CERS6: variants seen among roughly 807,000 people sequenced by gnomAD.
CERS6 encodes the protein ceramide synthase 6, also known as LAG1 homolog, ceramide synthase 6.
In CERS6, 26 loss-of-function variants were observed where a neutral mutation model predicts 56.8. The ratio of observed to expected loss-of-function variants is 0.46; its 90% CI spans 0.34 to 0.63. The LOEUF (loss-of-function observed/expected upper bound fraction) is 0.63. CERS6 is among the 30% of genes least tolerant of loss of function. CERS6 has a pLI of 0.01. For synonymous variants in CERS6, 164 were observed against 173.3 expected, an observed-to-expected ratio of 0.95 and a Z score of 0.42; for missense variants, 415 against 467.5, an observed-to-expected ratio of 0.89 and a Z score of 1.04.
intron 4 of CERS6, among the ~76,000 whole-genome samples, chr2:168,669,833 C>T (rs1246926807): frequency 6.6e-6 from 1 of 152,120 alleles, no homozygotes; most frequent in Admixed American, 6.5e-5. Context: ...TTAACATACA[C>T]GACTGTGTCA....
chr2:168,597,682 A>C (rs1474899394), intron 3 of CERS6, among the ~76,000 whole-genome samples: 1 of 152,202 alleles, frequency 6.6e-6, no homozygotes, highest in Non-Finnish European at 1.5e-5. Flanking sequence ...GAATATGTAA[A>C]GTTTTAGAGA....
chr2:168,769,607 GGA>G lies in CERS6; in HGVS notation c.1101_1102del (p.Thr368GlnfsTer16). On this transcript the variant is annotated frameshift_variant, in exon 10 of 10. Transcript: ENST00000305747. LOFTEE classifies it high-confidence loss of function. ...CCCCACACTGCGACAACCACCAATG[GGA>G]CCAGTGGTACCAACGGGTATCTCCT... 6.2e-7 allele frequency: 1 copy of G among 1,612,338 alleles called. No homozygotes were observed. Among genetic ancestry groups the G allele is most frequent in the Non-Finnish European group, 8.5e-7 (1 of 1,179,474 alleles).
At chr2:168,637,541 G>A (rs928106414) in intron 4 of CERS6, among the ~76,000 whole-genome samples, 9 of 152,082 alleles carry the variant, frequency 5.9e-5, no homozygotes, top group African/African-American at 2.2e-4. Flanking sequence ...GTGTGAAGTT[G>A]CTTATTACAA....
intron 8 of CERS6, among the ~76,000 whole-genome samples, chr2:168,739,433 T>C (rs1683825738): frequency 6.6e-6 from 1 of 152,042 alleles, no homozygotes; most frequent in African/African-American, 2.4e-5. Context: ...GTGGTAAAAA[T>C]TGAGTATATT....
intron 1 of CERS6, among the ~76,000 whole-genome samples, chr2:168,471,684 G>A (rs1693980983): frequency 6.6e-6 from 1 of 152,132 alleles, no homozygotes; most frequent in Admixed American, 6.5e-5. Flanking sequence ...CCACTTGCCA[G>A]CCAATAACTA....
intron 1 of CERS6, among the ~76,000 whole-genome samples, chr2:168,477,173 CAG>C (rs10609883): frequency 0.045 from 5,206 of 115,298 alleles, 160 homozygotes; most frequent in Admixed American, 0.11. Context: ...GAGGGAGAGA[CAG>C]AGAGAGAGAG....
chr2:168,496,474 C>G (rs1694471638), intron 1 of CERS6, among the ~76,000 whole-genome samples: 1 of 152,062 alleles, frequency 6.6e-6, no homozygotes, highest in Admixed American at 6.6e-5. Flanking sequence ...AGGAAGCCAT[C>G]AGGCTCCATG....
chr2:168,476,912 T>A (rs1694082167), intron 1 of CERS6, among the ~76,000 whole-genome samples: 1 of 152,166 alleles, frequency 6.6e-6, no homozygotes, highest in Admixed American at 6.5e-5. Context: ...AATAATGCTT[T>A]ACCAGTTCTC....
At chr2:168,513,715 A>G (rs555167286) in intron 1 of CERS6, among the ~76,000 whole-genome samples, 2 of 152,198 alleles carry the variant, frequency 1.3e-5, no homozygotes, top group South Asian at 2.1e-4. Flanking sequence ...TTTCCATACT[A>G]CAGTCTTTGG....
intron 8 of CERS6, 78 bp from the exon 9 acceptor site, chr2:168,765,514 C>A: frequency 6.8e-7 from 1 of 1,464,608 alleles, no homozygotes; most frequent in South Asian, 1.4e-5. Flanking sequence ...TGACCTTGTG[C>A]TTTAATGCAG....
At chr2:168,466,641 T>A (rs1693886060) in intron 1 of CERS6, among the ~76,000 whole-genome samples, 1 of 152,256 alleles carries the variant, frequency 6.6e-6, no homozygotes, top group African/African-American at 2.4e-5. Context: ...GTAATTCATC[T>A]GTAAGAATGT....
chr2:168,718,026 G>A (rs1309517338), intron 8 of CERS6, 48 bp downstream of exon 8: 3 of 1,352,730 alleles, frequency 2.2e-6, no homozygotes, highest in South Asian at 1.3e-5. Context: ...TTCCAAATAA[G>A]CTTTCTGAAC....
At chr2:168,498,648 A>AAAAGATGAAGC (rs1163290957) in intron 1 of CERS6, among the ~76,000 whole-genome samples, 3 of 152,200 alleles carry the variant, frequency 2.0e-5, no homozygotes, top group Non-Finnish European at 2.9e-5. Context: ...TCTTTATATC[A>AAAAGATGAAGC]AAAGATGAAG....
intron 8 of CERS6, among the ~76,000 whole-genome samples, chr2:168,754,044 G>T (rs1684353234): frequency 6.6e-6 from 1 of 152,164 alleles, no homozygotes; most frequent in African/African-American, 2.4e-5. Flanking sequence ...TCAGGACAGG[G>T]ACCCCTAGAG....
chr2:168,746,125 C>T (rs1684089878), intron 8 of CERS6, among the ~76,000 whole-genome samples: 2 of 152,174 alleles, frequency 1.3e-5, no homozygotes, highest in African/African-American at 4.8e-5. Context: ...TGCCCCTCAC[C>T]ACATGGGAGC....
chr2:168,576,497 C>T (rs144407633), intron 3 of CERS6, among the ~76,000 whole-genome samples: 288 of 152,290 alleles, frequency 1.9e-3, no homozygotes, highest in Middle Eastern at 0.017. Context: ...ATCTTCCCTT[C>T]AATTTCTTTT....
intron 1 of CERS6, among the ~76,000 whole-genome samples, chr2:168,514,316 C>G (rs893079674): frequency 6.6e-6 from 1 of 152,184 alleles, no homozygotes; most frequent in African/African-American, 2.4e-5. Context: ...TAGTGTGTCT[C>G]TGTTCCTTCT....
chr2:168,593,056 C>G (rs1299261183), intron 3 of CERS6, among the ~76,000 whole-genome samples: 2 of 152,128 alleles, frequency 1.3e-5, no homozygotes, highest in Non-Finnish European at 2.9e-5. Flanking sequence ...CTTGACCCTT[C>G]CTCCACTTTG....
chr2:168,707,948 T>C (rs577163408), intron 6 of CERS6, among the ~76,000 whole-genome samples: 1 of 152,300 alleles, frequency 6.6e-6, no homozygotes, highest in African/African-American at 2.4e-5. Flanking sequence ...TGTGAATTTC[T>C]GGTACTACAT....
Sources: allele counts gnomAD v4.1 joint callset (sites outside exome capture counted in the v4.1 genomes callset), GRCh38; gene constraint gnomAD v4.1.1; transcripts MANE v1.5; gene names NCBI Gene and HGNC (gene_info 2026-07-23, HGNC 2026-07-21).